The following IMPA2 variants were observed in gnomAD, a reference collection of about 807,000 sequenced individuals.
IMPA2 encodes IMP 2.
Under a neutral mutation model 35.1 loss-of-function variants are expected in IMPA2, and 32 were observed. The ratio of observed to expected loss-of-function variants is 0.91; its 90% confidence interval spans 0.69 to 1.23. The LOEUF (loss-of-function observed/expected upper bound fraction) is 1.23. Among genes scored for constraint, IMPA2 ranks in the 50% most tolerant of loss-of-function variants. The probability of loss-of-function intolerance (pLI) is 0.00; values close to 1 mark genes in which losing one functional copy is unlikely to be tolerated. For synonymous variants in IMPA2, 135 were observed against 160.6 expected, an observed-to-expected ratio of 0.84 and a Z score of 1.20; for missense variants, 334 against 387.6, an observed-to-expected ratio of 0.86 and a Z score of 1.16.
At position 12,004,491 on chromosome 18, in the gene IMPA2, CT is replaced by C. The variant is rs1481914009; in HGVS notation, c.230+5305del. Among the ~76,000 whole-genome samples the C allele has an allele frequency of 2.0e-5, 3 of 150,822 alleles. No homozygotes were observed. In the East Asian group the frequency reaches 5.8e-4, roughly 29 times the overall value. The stretch of plus-strand genomic sequence containing the variant: ...GACGTATGGAATGTTCTTTTTTTCC[CT>C]AAATTTAGTCATGTGCATTTTTTTT... On this transcript the variant is annotated intron_variant, in intron 2 of 7. Transcript: ENST00000269159.
intron 1 of IMPA2, among the ~76,000 whole-genome samples, chr18:11,998,120 T>G (rs1345662771): frequency 6.6e-6 from 1 of 152,196 alleles, no homozygotes; most frequent in Non-Finnish European, 1.5e-5. Context: ...TGAGCTGTGA[T>G]TGTGACACCA....
At chr18:12,017,699 C>T (rs751633243) in intron 5 of IMPA2, 5 of 384,362 alleles carry the variant, frequency 1.3e-5, no homozygotes, top group Admixed American at 6.2e-5. Flanking sequence ...AGCAATTCTC[C>T]TGCCTCATCC....
At chr18:11,990,931 C>T (rs566525920) in intron 1 of IMPA2, among the ~76,000 whole-genome samples, 1 of 152,186 alleles carries the variant, frequency 6.6e-6, no homozygotes, top group Non-Finnish European at 1.5e-5. Context: ...CTCAGAGTTA[C>T]TGTGTGGAAT....
chr18:12,026,790 C>G (rs1907892243), intron 5 of IMPA2, among the ~76,000 whole-genome samples: 1 of 152,180 alleles, frequency 6.6e-6, no homozygotes, highest in African/African-American at 2.4e-5. Context: ...AGCTGCAGGG[C>G]TCAGGTGGTA....
At chr18:12,024,749 T>G (rs1303085279) in intron 5 of IMPA2, among the ~76,000 whole-genome samples, 2 of 149,888 alleles carry the variant, frequency 1.3e-5, no homozygotes, top group African/African-American at 4.9e-5. Context: ...CCTTCCTCCC[T>G]CTTTCTTTCA....
chr18:11,998,646 T>C (rs1907024605), intron 1 of IMPA2, among the ~76,000 whole-genome samples: 1 of 152,224 alleles, frequency 6.6e-6, no homozygotes, highest in Non-Finnish European at 1.5e-5. Flanking sequence ...GGCACAGGTG[T>C]GTAACATGAT....
chr18:12,025,903 A>C (rs560870971), intron 5 of IMPA2, among the ~76,000 whole-genome samples: 3 of 152,062 alleles, frequency 2.0e-5, no homozygotes, highest in Non-Finnish European at 4.4e-5. Flanking sequence ...CCCTGAGGAC[A>C]TATGATGTGG....
At chr18:12,022,923 T>A (rs1907773628) in intron 5 of IMPA2, among the ~76,000 whole-genome samples, 1 of 147,822 alleles carries the variant, frequency 6.8e-6, no homozygotes, top group African/African-American at 2.5e-5. Context: ...TACAAATGTG[T>A]GCCACCACGC....
intron 1 of IMPA2, among the ~76,000 whole-genome samples, chr18:11,990,179 C>G (rs1431454169): frequency 6.6e-6 from 1 of 152,162 alleles, no homozygotes; most frequent in Non-Finnish European, 1.5e-5. Context: ...CTGCCATGAG[C>G]GCTGCAGGAG....
intron 1 of IMPA2, among the ~76,000 whole-genome samples, chr18:11,989,253 A>C (rs1906744655): frequency 6.6e-6 from 1 of 152,162 alleles, no homozygotes; most frequent in African/African-American, 2.4e-5. Flanking sequence ...TCATTTCTCC[A>C]GAAAAGGCTT....
chr18:12,006,940 G>T (rs570537102), intron 2 of IMPA2, among the ~76,000 whole-genome samples: 1 of 152,242 alleles, frequency 6.6e-6, no homozygotes, highest in South Asian at 2.1e-4. Flanking sequence ...GACCAGCCCG[G>T]CCAGCATGGT....
At chr18:12,011,181 C>T (rs1249826098) in intron 3 of IMPA2, among the ~76,000 whole-genome samples, 11 of 152,204 alleles carry the variant, frequency 7.2e-5, no homozygotes, top group Admixed American at 6.5e-4. Flanking sequence ...CCTGTCTGCA[C>T]CCCTGGGGGG....
At chr18:11,984,083 G>T (rs1459427324) in intron 1 of IMPA2, among the ~76,000 whole-genome samples, 1 of 152,130 alleles carries the variant, frequency 6.6e-6, no homozygotes, top group African/African-American at 2.4e-5. Flanking sequence ...GAAAGGTGAG[G>T]GAGCCGAAGG....
chr18:11,990,458 G>A (rs1906782406), intron 1 of IMPA2, among the ~76,000 whole-genome samples: 1 of 152,132 alleles, frequency 6.6e-6, no homozygotes, highest in Admixed American at 6.5e-5. Context: ...AGCAGAAGGG[G>A]CAAAAGAGAA....
In IMPA2 at chr18:12,010,470, G is replaced by C. The variant is rs556417503; in HGVS notation, c.335+483G>C. Reference sequence around the variant, plus strand: ...GTTTGGGGAGGTCAGAAGGGCCCGTGTGGGGAGGTGAAGGGAATGGAGCTT... The same window carrying C: ...GTTTGGGGAGGTCAGAAGGGCCCGTCTGGGGAGGTGAAGGGAATGGAGCTT... On this transcript the variant is annotated intron_variant, in intron 3 of 7. Coordinates refer to ENST00000269159, the MANE Select transcript of IMPA2 (RefSeq NM_014214.3). The surrounding 1 kb of genome is among the most constrained non-coding windows in gnomAD (Gnocchi z 4.8). 1.1e-4 allele frequency among the ~76,000 whole-genome samples: 17 copies of C among 152,256 alleles called. No homozygotes were observed. The highest frequency in any genetic ancestry group is 2.4e-4 in the Non-Finnish European group (16 of 68,050).
intron 5 of IMPA2, among the ~76,000 whole-genome samples, chr18:12,016,045 C>T (rs1005778823): frequency 3.3e-5 from 5 of 152,262 alleles, no homozygotes; most frequent in African/African-American, 7.2e-5. Context: ...CTGGTAATTT[C>T]GTAGAATGAA....
chr18:12,028,189 G>C, intron 6 of IMPA2, 38 bp downstream of exon 6: 1 of 1,363,940 alleles, frequency 7.3e-7, no homozygotes, highest in South Asian at 1.2e-5. Context: ...TGCAGCCCGA[G>C]GAGGAAGAAC....
chr18:11,992,535 G>T (rs1906846584), intron 1 of IMPA2, among the ~76,000 whole-genome samples: 1 of 152,310 alleles, frequency 6.6e-6, no homozygotes, highest in African/African-American at 2.4e-5. Flanking sequence ...TCTGAAGCTG[G>T]TTGATGGTGA....
At chr18:11,998,394 G>A (rs931326085) in intron 1 of IMPA2, among the ~76,000 whole-genome samples, 4 of 152,156 alleles carry the variant, frequency 2.6e-5, no homozygotes, top group Non-Finnish European at 5.9e-5. Flanking sequence ...AGCCTGTGTC[G>A]GAGCTCAGCC....
Sources: gnomAD v4.1 joint callset for allele counts (sites outside exome capture counted in the v4.1 genomes callset) on GRCh38, gnomAD v4.1.1 for gene constraint, Gnocchi (gnomAD v3.1) non-coding constraint, MANE v1.5 for transcripts, NCBI Gene and HGNC (gene_info 2026-07-23, HGNC 2026-07-21) for gene names.